The following STARD13 variants were observed in gnomAD, a reference collection of about 807,000 sequenced individuals.
The protein encoded by STARD13 is StAR related lipid transfer domain containing 13, also known as stAR-related lipid transfer protein 13.
STARD13 carries 62 observed loss-of-function variants against 106.4 expected under a neutral mutation model. That is an observed-to-expected ratio of 0.58 (90% CI 0.48 to 0.72). STARD13 has a LOEUF of 0.72. Among genes scored for constraint, STARD13 ranks in the 30% least tolerant of loss-of-function variants. STARD13 has a pLI of 0.00. For synonymous variants in STARD13, 565 were observed against 553.0 expected, an observed-to-expected ratio of 1.02 and a Z score of -0.31; for missense variants, 1,387 against 1,424.0, an observed-to-expected ratio of 0.97 and a Z score of 0.42.
chr13:33,368,309 C>T, the STARD13 span, among the ~76,000 whole-genome samples: 6 of 152,184 alleles, frequency 3.9e-5, no homozygotes, highest in African/African-American at 1.4e-4. Flanking sequence ...TATGCCGGCT[C>T]TCTTTATACT....
chr13:33,582,147 A>G, the STARD13 span, among the ~76,000 whole-genome samples: 1 of 151,836 alleles, frequency 6.6e-6, no homozygotes, highest in Non-Finnish European at 1.5e-5. Flanking sequence ...GCGTGAACCC[A>G]GCAGGCGGAG....
the STARD13 span, among the ~76,000 whole-genome samples, chr13:33,443,437 T>C: frequency 1.5e-4 from 11 of 72,494 alleles, no homozygotes; most frequent in African/African-American, 6.6e-4. Context: ...TTCATAACAA[T>C]TAATAAAAAG....
At chr13:33,213,414 T>C (rs933484976) in intron 1 of STARD13, among the ~76,000 whole-genome samples, 1 of 152,168 alleles carries the variant, frequency 6.6e-6, no homozygotes, top group Non-Finnish European at 1.5e-5. Flanking sequence ...AAATTAACTA[T>C]GTTCACAAGA....
chr13:33,228,720 T>C (rs1008039605), intron 1 of STARD13, among the ~76,000 whole-genome samples: 1 of 152,222 alleles, frequency 6.6e-6, no homozygotes, highest in African/African-American at 2.4e-5. Context: ...GAATACAAGA[T>C]TTCTGCAGTT....
intron 8 of STARD13, among the ~76,000 whole-genome samples, chr13:33,114,903 G>A (rs1875141102): frequency 6.6e-6 from 1 of 151,958 alleles, no homozygotes; most frequent in Non-Finnish European, 1.5e-5. Context: ...TGCTCTTTTA[G>A]CTTTCTGTTA....
At chr13:33,518,421 T>C in the STARD13 span, among the ~76,000 whole-genome samples, 1 of 152,120 alleles carries the variant, frequency 6.6e-6, no homozygotes, top group African/African-American at 2.4e-5. Flanking sequence ...TGGCTACTCC[T>C]GAAATCCACC....
the STARD13 span, among the ~76,000 whole-genome samples, chr13:33,582,488 G>A: frequency 1.3e-5 from 2 of 152,142 alleles, no homozygotes; most frequent in Non-Finnish European, 2.9e-5. Flanking sequence ...ACAGAAGAAG[G>A]TAGAATTAAG....
chr13:33,642,196 A>G, the STARD13 span, among the ~76,000 whole-genome samples: 1 of 152,208 alleles, frequency 6.6e-6, no homozygotes, highest in Non-Finnish European at 1.5e-5. Flanking sequence ...CTAGGAGAAA[A>G]GGATAACAGT....
chr13:33,612,985 T>C, the STARD13 span, among the ~76,000 whole-genome samples: 1 of 152,228 alleles, frequency 6.6e-6, no homozygotes, highest in East Asian at 1.9e-4. Flanking sequence ...TTTGAGCAAC[T>C]TCAAAGTTCA....
the STARD13 span, among the ~76,000 whole-genome samples, chr13:33,507,415 A>G: frequency 1.3e-5 from 2 of 152,176 alleles, no homozygotes; most frequent in Non-Finnish European, 2.9e-5. Flanking sequence ...TTATGAAACA[A>G]TTTTAAAATT....
intron 1 of STARD13, among the ~76,000 whole-genome samples, chr13:33,339,643 A>G (rs2077936980): frequency 6.6e-6 from 1 of 152,270 alleles, no homozygotes; most frequent in Non-Finnish European, 1.5e-5. Flanking sequence ...AACACTTAGC[A>G]CAAAGCCTCT....
chr13:33,549,969 C>G, the STARD13 span, among the ~76,000 whole-genome samples: 1 of 152,164 alleles, frequency 6.6e-6, no homozygotes, highest in Non-Finnish European at 1.5e-5. Context: ...ACACTCATGC[C>G]TCTGTTCACT....
the STARD13 span, among the ~76,000 whole-genome samples, chr13:33,640,184 T>C: frequency 2.0e-5 from 3 of 152,086 alleles, no homozygotes; most frequent in Admixed American, 2.0e-4. Flanking sequence ...CCATTTCTCA[T>C]TGTGATCTCT....
At chr13:33,155,964 A>G (rs926008185) in intron 3 of STARD13, among the ~76,000 whole-genome samples, 2 of 152,240 alleles carry the variant, frequency 1.3e-5, no homozygotes, top group African/African-American at 4.8e-5. Flanking sequence ...GAAACTGGCC[A>G]CAACAGGGTA....
the STARD13 span, among the ~76,000 whole-genome samples, chr13:33,593,970 G>A: frequency 2.1e-3 from 325 of 152,158 alleles, 1 homozygote; most frequent in African/African-American, 7.3e-3. Flanking sequence ...GCAGTGACGC[G>A]ATCTCGACTC....
At chr13:33,361,195 C>T in the STARD13 span, among the ~76,000 whole-genome samples, 1 of 151,610 alleles carries the variant, frequency 6.6e-6, no homozygotes, top group African/African-American at 2.4e-5. Context: ...GACAGCAAGA[C>T]CAACCCTCTT....
intron 1 of STARD13, among the ~76,000 whole-genome samples, chr13:33,303,763 A>T (rs1892804190): frequency 6.6e-6 from 1 of 152,198 alleles, no homozygotes; most frequent in Admixed American, 6.5e-5. Context: ...GTGCACACTC[A>T]GTGAGAAGGT....
chr13:33,499,610 C>CTT, the STARD13 span, among the ~76,000 whole-genome samples: 1 of 74,964 alleles, frequency 1.3e-5, no homozygotes, highest in Non-Finnish European at 2.6e-5. Context: ...CTTCTTTCTT[C>CTT]TTCTTCTTCT....
the STARD13 span, among the ~76,000 whole-genome samples, chr13:33,561,637 G>A: frequency 1.6e-4 from 19 of 120,310 alleles, no homozygotes; most frequent in South Asian, 3.1e-3. Context: ...ATGAACAGCC[G>A]TGAATAACTT....
Sources: allele counts gnomAD v4.1 joint callset (sites outside exome capture counted in the v4.1 genomes callset), GRCh38; gene constraint gnomAD v4.1.1; transcripts MANE v1.5; gene names NCBI Gene and HGNC (gene_info 2026-07-23, HGNC 2026-07-21).